Variants in APP observed in about 807,000 individuals in gnomAD.
APP encodes the protein amyloid beta precursor protein.
In APP, 31 loss-of-function variants were observed where a neutral mutation model predicts 101.4. The observed-to-expected ratio is 0.31, with a 90% CI of 0.23 to 0.41. The LOEUF (loss-of-function observed/expected upper bound fraction) is 0.41, where lower values mean the gene tolerates loss of function less well. APP is among the 10% of genes least tolerant of loss of function. The pLI is 1.00. For missense variants in APP, 839 were observed against 1,003.7 expected (o/e 0.84, Z 2.22); for synonymous variants, 366 against 364.4 (o/e 1.00, Z -0.05).
intron 3 of APP, among the ~76,000 whole-genome samples, chr21:26,075,728 A>G (rs2061487141): frequency 6.6e-6 from 1 of 152,216 alleles, no homozygotes; most frequent in Non-Finnish European, 1.5e-5. Flanking sequence ...ATCGAATAAG[A>G]GAAATAATCA....
chr21:25,988,207 T>C (rs1034211176), intron 8 of APP, among the ~76,000 whole-genome samples: 8 of 152,160 alleles, frequency 5.3e-5, no homozygotes, highest in African/African-American at 1.9e-4. Context: ...GAGACCCGCA[T>C]GGCCAGAGCT....
intron 14 of APP, among the ~76,000 whole-genome samples, chr21:25,909,003 C>A (rs914789741): frequency 6.6e-6 from 1 of 152,110 alleles, no homozygotes; most frequent in Non-Finnish European, 1.5e-5. Context: ...GTGGCTCATG[C>A]CTGTAATCCC....
chr21:26,164,753 G>C (rs544293456), intron 1 of APP, among the ~76,000 whole-genome samples: 1 of 151,842 alleles, frequency 6.6e-6, no homozygotes, highest in Non-Finnish European at 1.5e-5. Flanking sequence ...CTACTCAGGA[G>C]GCTGAGGCAG....
chr21:25,897,727 A>C, intron 15 of APP, 54 bp from the exon 16 acceptor site: 1 of 1,442,546 alleles, frequency 6.9e-7, no homozygotes, highest in South Asian at 1.1e-5. Context: ...TTTACTCATA[A>C]ATAATAACAC....
rs534155196 is a variant in APP, at chr21:26,011,141, T to C, written c.865+10699A>G. On this transcript the variant is annotated intron_variant, in intron 6 of 17. Transcript: ENST00000346798. ...CCGAGACTGGAGTGCAATGGCACGA[T>C]CTCAGCTCACTGCAACCTCAACCTC... Among the ~76,000 whole-genome samples the C allele has an allele frequency of 1.5e-3, 221 of 152,198 alleles. 1 individual carries two copies. Among genetic ancestry groups the C allele is most frequent in the Middle Eastern group, 0.01 (3 of 294 alleles).
chr21:26,108,385 C>T (rs921192878), intron 2 of APP, among the ~76,000 whole-genome samples: 2 of 152,222 alleles, frequency 1.3e-5, no homozygotes, highest in Non-Finnish European at 2.9e-5. Context: ...CTATCTTACA[C>T]TTATAGCACA....
At chr21:26,109,466 C>T (rs1259172230) in intron 2 of APP, among the ~76,000 whole-genome samples, 1 of 152,206 alleles carries the variant, frequency 6.6e-6, no homozygotes, top group Non-Finnish European at 1.5e-5. Context: ...TCTTCCCCTT[C>T]ACCTCCTGCC....
chr21:26,060,826 A>G (rs1280415227), intron 3 of APP, among the ~76,000 whole-genome samples: 1 of 152,222 alleles, frequency 6.6e-6, no homozygotes, highest in Non-Finnish European at 1.5e-5. Flanking sequence ...AACTCACAGA[A>G]GAACAAGGAG....
At chr21:25,929,293 A>G (rs1378184927) in intron 13 of APP, among the ~76,000 whole-genome samples, 1 of 152,186 alleles carries the variant, frequency 6.6e-6, no homozygotes, top group East Asian at 1.9e-4. Flanking sequence ...TGTTTTTACT[A>G]ATTATAAGAG....
chr21:25,942,412 T>C (rs1307010527), intron 13 of APP: 2 of 152,170 alleles, frequency 1.3e-5, no homozygotes, highest in Non-Finnish European at 2.9e-5. Flanking sequence ...CTGAACGAGC[T>C]GAAAACTAAG....
chr21:25,962,923 T>C (rs1201693464), intron 11 of APP, among the ~76,000 whole-genome samples: 2 of 152,050 alleles, frequency 1.3e-5, no homozygotes, highest in South Asian at 4.2e-4. Flanking sequence ...AGCAATTCTC[T>C]TGCCCCAGCC....
chr21:26,090,091 A>G lies in APP; in HGVS notation c.226-19T>C, dbSNP rs374986699. Reference sequence around the variant, plus strand: ...GGTAGACCTGGGAGAGCACACAAAAAGAATCAATTGTTACTTGAGGCAGGG... The same window carrying G: ...GGTAGACCTGGGAGAGCACACAAAAGGAATCAATTGTTACTTGAGGCAGGG... On this transcript the variant is annotated intron_variant, in intron 2 of 17. Coordinates refer to ENST00000346798, the MANE Select transcript of APP (RefSeq NM_000484.4). 2 of 1,613,768 alleles carry G rather than the reference A, an allele frequency of 1.2e-6. No homozygotes were observed. The highest frequency in any genetic ancestry group is 1.3e-5 in the African/African-American group (1 of 74,924).
At chr21:25,962,332 G>A (rs540839580) in intron 11 of APP, among the ~76,000 whole-genome samples, 66 of 152,192 alleles carry the variant, frequency 4.3e-4, no homozygotes, top group African/African-American at 1.6e-3. Flanking sequence ...TTACATTTTA[G>A]AACATTACTC....
chr21:26,031,997 G>A (rs2044851078), intron 5 of APP, among the ~76,000 whole-genome samples: 1 of 152,190 alleles, frequency 6.6e-6, no homozygotes, highest in African/African-American at 2.4e-5. Flanking sequence ...ATAGCCCAAG[G>A]CCTCCCTTGC....
chr21:26,019,615 C>A (rs2146768838), intron 6 of APP, among the ~76,000 whole-genome samples: 1 of 152,318 alleles, frequency 6.6e-6, no homozygotes, highest in East Asian at 1.9e-4. Flanking sequence ...CATGGCCTAG[C>A]AAAATGGCTT....
chr21:25,906,667 AT>A (rs1013446795), intron 14 of APP, among the ~76,000 whole-genome samples: 2 of 151,856 alleles, frequency 1.3e-5, no homozygotes, highest in African/African-American at 4.8e-5. Flanking sequence ...TCTATACTTC[AT>A]TTTTTTTCCT....
At chr21:26,170,023 G>A (rs1483743225) in intron 1 of APP, among the ~76,000 whole-genome samples, 1 of 152,160 alleles carries the variant, frequency 6.6e-6, no homozygotes, top group African/African-American at 2.4e-5. Context: ...GGGGGATGGG[G>A]GTGAGAGAGG....
At chr21:26,032,282 C>A (rs537971702) in intron 5 of APP, among the ~76,000 whole-genome samples, 1 of 151,794 alleles carries the variant, frequency 6.6e-6, no homozygotes, top group Non-Finnish European at 1.5e-5. Flanking sequence ...CAAATAGACA[C>A]CCCTAGCACA....
intron 11 of APP, among the ~76,000 whole-genome samples, chr21:25,966,578 G>A (rs1042033054): frequency 6.6e-6 from 1 of 152,080 alleles, no homozygotes; most frequent in Non-Finnish European, 1.5e-5. Context: ...CACATACCAA[G>A]AACTCAGCAA....
Sources: gnomAD v4.1 joint callset for allele counts (sites outside exome capture counted in the v4.1 genomes callset) on GRCh38, gnomAD v4.1.1 for gene constraint, MANE v1.5 for transcripts, NCBI Gene and HGNC (gene_info 2026-07-23, HGNC 2026-07-21) for gene names.